The following OTUD7B variants were observed in gnomAD, a reference collection of about 807,000 sequenced individuals.
OTUD7B encodes the protein OTU deubiquitinase 7B, also known as OTU domain-containing protein 7B.
A neutral mutation model predicts 82.2 loss-of-function variants in OTUD7B; 34 were observed. The ratio of observed to expected loss-of-function variants is 0.41; its 90% CI spans 0.31 to 0.55. OTUD7B has a LOEUF of 0.55. Among genes scored for constraint, OTUD7B ranks in the 20% least tolerant of loss-of-function variants. The probability of loss-of-function intolerance (pLI) is 0.20; values close to 1 mark genes in which losing one functional copy is unlikely to be tolerated. For missense variants in OTUD7B, 944 were observed against 1,062.1 expected (o/e 0.89, Z 1.55); for synonymous variants, 398 against 402.7 (o/e 0.99, Z 0.14).
Position 149,948,016 on chromosome 1 carries a change from G to A in OTUD7B, c.1239-681C>T, listed in dbSNP as rs587763407. Among the ~76,000 whole-genome samples the A allele has an allele frequency of 8.9e-4, 136 of 152,292 alleles. 2 individuals are homozygous for A. Among genetic ancestry groups the A allele is most frequent in the African/African-American group, 2.9e-3 (121 of 41,556 alleles). On this transcript the variant is annotated intron_variant, in intron 10 of 11. Transcript: ENST00000581312. ...ATTTTTTGGATGGAGTTTCACTCTT[G>A]TTGCCCATACTGGAGTGTAATGGTA...
chr1:150,061,671 G>C, the OTUD7B span, among the ~76,000 whole-genome samples: 1 of 152,200 alleles, frequency 6.6e-6, no homozygotes, highest in Non-Finnish European at 1.5e-5. Flanking sequence ...GCTGCCCCAA[G>C]ACCTGCTTGG....
In OTUD7B at chr1:149,941,877, T is replaced by A. The variant is rs1193697143; in HGVS notation, c.*1980A>T. 2.0e-5 allele frequency: 3 copies of A among 152,234 alleles called. No homozygotes were observed. The highest frequency in any genetic ancestry group is 4.4e-5 in the Non-Finnish European group (3 of 68,040). The allele number at this position is 152,234 out of a possible 1,614,324, so 9.4% of individuals were successfully genotyped here. ...CTCATCTCATACCAGGTTCCAGACC[T>A]GCCTAGACATATACACATCCCTTCC... On this transcript the variant is annotated 3_prime_UTR_variant, in exon 12 of 12. Transcript: ENST00000581312.
chr1:150,007,419 ACTTT>A (rs1157704521), intron 1 of OTUD7B, among the ~76,000 whole-genome samples: 1 of 152,112 alleles, frequency 6.6e-6, no homozygotes, highest in African/African-American at 2.4e-5. Context: ...ACTGATTCTT[ACTTT>A]GTTACTTTAA....
intron 1 of OTUD7B, among the ~76,000 whole-genome samples, chr1:149,992,955 A>C (rs1553782485): frequency 6.6e-6 from 1 of 152,030 alleles, no homozygotes. Context: ...GTTCAAGACC[A>C]GTCTGGCCAA....
chr1:149,975,234 A>G (rs1650227357), intron 2 of OTUD7B, among the ~76,000 whole-genome samples: 1 of 152,120 alleles, frequency 6.6e-6, no homozygotes, highest in African/African-American at 2.4e-5. Context: ...GCCTTCCTGC[A>G]CTCTAGATCT....
At chr1:149,971,663 T>G (rs1404738616) in intron 2 of OTUD7B, among the ~76,000 whole-genome samples, 1 of 152,308 alleles carries the variant, frequency 6.6e-6, no homozygotes, top group Non-Finnish European at 1.5e-5. Flanking sequence ...TTAGCCTACA[T>G]GTACTCTAGT....
At position 149,944,031 on chromosome 1, in the gene OTUD7B, A is replaced by G; in HGVS notation, c.2358T>C (p.Asp786=). The change falls in exon 12 of 12, where the codon GAT becomes GAC. Residue 786 remains aspartate (D), a synonymous_variant. Transcript: ENST00000581312. ...SNGYREPPEP[D]GWAGGLRGLP... ...GGCCCCGGAGACCTCCAGCCCATCC[A>G]TCTGGCTCAGGGGGCTCTCTGTAGC... The G allele has an allele frequency of 6.2e-7, 1 of 1,614,210 alleles. No homozygotes were observed. The highest frequency in any genetic ancestry group is 1.1e-5 in the South Asian group (1 of 91,086).
Position 149,977,541 on chromosome 1 carries a change from T to A in OTUD7B, c.-31A>T. ...CCTCAAGTACTTTCAGCCAGCTGGATGTAGGTAGAACATAGATCAAAATTC... is the reference window on the plus strand; with the variant it reads ...CCTCAAGTACTTTCAGCCAGCTGGAAGTAGGTAGAACATAGATCAAAATTC... On this transcript the variant is annotated 5_prime_UTR_variant, in exon 2 of 12. Transcript: ENST00000581312. The A allele has an allele frequency of 6.5e-7, 1 of 1,543,844 alleles. No individual in the cohort carries two copies. Among genetic ancestry groups the A allele is most frequent in the South Asian group, 1.1e-5 (1 of 89,538 alleles).
the OTUD7B span, among the ~76,000 whole-genome samples, chr1:150,041,876 G>A: frequency 1.3e-5 from 2 of 151,848 alleles, no homozygotes; most frequent in Non-Finnish European, 2.9e-5. Flanking sequence ...TTAATGTTTG[G>A]TTCATTGATT....
intron 3 of OTUD7B, among the ~76,000 whole-genome samples, chr1:149,970,592 T>A (rs1298102666): frequency 6.6e-6 from 1 of 152,106 alleles, no homozygotes; most frequent in Non-Finnish European, 1.5e-5. Context: ...GTGCTGGGAT[T>A]ACAGGTGTGA....
intron 1 of OTUD7B, among the ~76,000 whole-genome samples, chr1:150,006,195 C>T (rs587633502): frequency 2.4e-4 from 36 of 152,292 alleles, no homozygotes; most frequent in African/African-American, 7.0e-4. Context: ...CACTGGCTCA[C>T]GCCTGTAATC....
chr1:150,061,055 A>AAT, the OTUD7B span, among the ~76,000 whole-genome samples: 151,994 of 152,214 alleles, frequency 1, 75,887 homozygotes, highest in Middle Eastern at 1. Flanking sequence ...AACAAAAAAA[A>AAT]TTTTTTTTGT....
rs1412836960 is a variant in OTUD7B, at chr1:149,991,686, A to G, written c.-66-14110T>C. On this transcript the variant is annotated intron_variant, in intron 1 of 11. Transcript: ENST00000581312. Reference sequence around the variant, plus strand: ...CTTGTCCAAATTCAAAGAGCTAACTATAGTAAAACTGAGTACCGAATATAA... The same window carrying G: ...CTTGTCCAAATTCAAAGAGCTAACTGTAGTAAAACTGAGTACCGAATATAA... 2.6e-5 allele frequency among the ~76,000 whole-genome samples: 4 copies of G among 152,216 alleles called. No homozygotes were observed. The East Asian group carries it at 7.7e-4, about 29-fold the overall frequency.
At chr1:149,972,214 G>A (rs1479140088) in intron 2 of OTUD7B, among the ~76,000 whole-genome samples, 4 of 152,180 alleles carry the variant, frequency 2.6e-5, no homozygotes, top group Non-Finnish European at 5.9e-5. Context: ...GAGCTGTTAT[G>A]AAGATTAGAT....
At chr1:149,971,314 C>A in intron 2 of OTUD7B, 63 bp from the exon 3 acceptor site, 2 of 1,141,884 alleles carry the variant, frequency 1.8e-6, no homozygotes, top group South Asian at 3.0e-5. Flanking sequence ...AAAGATCACA[C>A]TAACTATCCT....
chr1:149,986,280 T>G (rs189521195), intron 1 of OTUD7B, among the ~76,000 whole-genome samples: 1 of 148,288 alleles, frequency 6.7e-6, no homozygotes, highest in East Asian at 1.9e-4. Flanking sequence ...CACAGTACTG[T>G]TGATAGTCTA....
intron 10 of OTUD7B, among the ~76,000 whole-genome samples, chr1:149,948,619 C>T (rs1215967347): frequency 6.6e-6 from 1 of 151,832 alleles, no homozygotes; most frequent in Admixed American, 6.6e-5. Context: ...ATCCACCCAC[C>T]TCAGCCTCCC....
chr1:149,955,464 A>G (rs1648597401), intron 7 of OTUD7B, among the ~76,000 whole-genome samples: 1 of 152,296 alleles, frequency 6.6e-6, no homozygotes, highest in Middle Eastern at 3.4e-3. Flanking sequence ...ACTTCCAACT[A>G]TGTGGTCAAT....
At chr1:150,024,335 G>A in the OTUD7B span, among the ~76,000 whole-genome samples, 2,638 of 152,142 alleles carry the variant, frequency 0.017, 36 homozygotes, top group Non-Finnish European at 0.025. Flanking sequence ...CCTGATTATC[G>A]CCTCTGCACT....
Sources: allele counts gnomAD v4.1 joint callset (sites outside exome capture counted in the v4.1 genomes callset), GRCh38; gene constraint gnomAD v4.1.1; transcripts MANE v1.5; gene names NCBI Gene and HGNC (gene_info 2026-07-23, HGNC 2026-07-21).